Variants in EPG5 observed in about 807,000 individuals in gnomAD.
The protein encoded by EPG5 is ectopic P-granules 5 autophagy tethering factor.
EPG5 carries 159 observed loss-of-function variants against 302.7 expected under a neutral mutation model. The observed-to-expected ratio is 0.53, with a 90% CI of 0.46 to 0.60. EPG5 has a LOEUF of 0.60. Ranked by LOEUF, EPG5 falls within the 20% of genes least tolerant of loss-of-function variation. EPG5 has a pLI of 0.00. For missense variants in EPG5, 2,896 were observed against 3,092.4 expected, an observed-to-expected ratio of 0.94 and a Z score of 1.51; for synonymous variants, 1,158 against 1,136.8, an observed-to-expected ratio of 1.02 and a Z score of -0.37.
At chr18:45,838,122 G>C in the EPG5 span, among the ~76,000 whole-genome samples, 16 of 152,222 alleles carry the variant, frequency 1.1e-4, no homozygotes, top group Admixed American at 8.5e-4. Context: ...GTGGGCCCGG[G>C]AATAGGCATT....
At chr18:45,822,457 G>T in the EPG5 span, among the ~76,000 whole-genome samples, 4 of 152,160 alleles carry the variant, frequency 2.6e-5, no homozygotes, top group African/African-American at 9.6e-5. Context: ...TAGATAGAAG[G>T]AATAAATTCT....
the EPG5 span, among the ~76,000 whole-genome samples, chr18:45,816,080 T>C: frequency 1.3e-5 from 2 of 152,168 alleles, no homozygotes; most frequent in African/African-American, 4.8e-5. Flanking sequence ...GATAACTGGC[T>C]AGCCATGTGC....
rs1000037657 is a variant in EPG5, at chr18:45,912,342, T to C, written c.3931A>G (p.Ile1311Val). The change falls in exon 22 of 44, where the codon ATT becomes GTT. Residue 1311 changes from isoleucine to valine, a missense_variant. Transcript: ENST00000282041. Reference protein sequence around the residue: ...TPSDHPLLPLIWQKFFLLYLH... With the variant: ...TPSDHPLLPLVWQKFFLLYLH... ...TACAGAAGGAAGAACTTCTGCCAAA[T>C]GAGTGGCAGGAGGGGGTGATCAGAA... The C allele has an allele frequency of 1.9e-6, 3 of 1,610,258 alleles. No homozygotes were observed. The Admixed American group carries it at 5.1e-5, about 27-fold the overall frequency.
chr18:45,927,117 C>T (rs1361638367), intron 13 of EPG5, among the ~76,000 whole-genome samples: 5 of 151,150 alleles, frequency 3.3e-5, no homozygotes, highest in African/African-American at 1.2e-4. Flanking sequence ...ACTGCAAGCT[C>T]CGCCTCCCAG....
intron 1 of EPG5, among the ~76,000 whole-genome samples, chr18:45,956,230 C>G (rs1391795371): frequency 1.3e-5 from 2 of 152,110 alleles, no homozygotes; most frequent in Non-Finnish European, 2.9e-5. Context: ...AAACATCAGA[C>G]AAAAACCCAA....
chr18:45,865,513 AGG>A, intron 39 of EPG5, 100 bp downstream of exon 39: 1 of 1,251,050 alleles, frequency 8.0e-7, no homozygotes, highest in Non-Finnish European at 1.1e-6. Flanking sequence ...CTCTGGAAAG[AGG>A]AGTGCCAGTG....
chr18:45,804,934 G>A, the EPG5 span, among the ~76,000 whole-genome samples: 2 of 152,018 alleles, frequency 1.3e-5, no homozygotes, highest in African/African-American at 4.8e-5. Context: ...TAACACAAAG[G>A]AATGCTGGGG....
At chr18:45,827,674 A>G in the EPG5 span, among the ~76,000 whole-genome samples, 8 of 152,274 alleles carry the variant, frequency 5.3e-5, no homozygotes, top group East Asian at 1.5e-3. Flanking sequence ...TAGACACTAC[A>G]TCAAAGGCCC....
chr18:45,855,470 A>G, intron 43 of EPG5, 103 bp downstream of exon 43: 1 of 764,196 alleles, frequency 1.3e-6, no homozygotes. Flanking sequence ...TGCTACCACC[A>G]CAGAGCATCA....
the EPG5 span, among the ~76,000 whole-genome samples, chr18:45,817,046 A>G: frequency 1.3e-5 from 2 of 152,234 alleles, no homozygotes; most frequent in East Asian, 1.9e-4. Context: ...GTTCTCACTC[A>G]TAAGTGGGAG....
chr18:45,920,093 T>C (rs2050121684), intron 16 of EPG5, among the ~76,000 whole-genome samples: 1 of 152,296 alleles, frequency 6.6e-6, no homozygotes, highest in Non-Finnish European at 1.5e-5. Context: ...CAGTGAGAAG[T>C]GTTTCCTCAT....
chr18:45,916,174 T>C lies in EPG5; in HGVS notation c.3417A>G (p.Glu1139=), dbSNP rs759456372. The C allele has an allele frequency of 1.9e-6, 3 of 1,613,782 alleles. No homozygotes were observed. The highest frequency in any genetic ancestry group is 1.3e-5 in the African/African-American group (1 of 74,910). ...ACTCCAACACAGCAACGGGGCCCAC[T>C]TCATTGGGCTGAGTGCTTACAGATA... ...AHISVSTQPN[E]VGPVAVLEFW... Residue 1139 remains glutamate, a synonymous_variant, in exon 19 of 44, where the codon GAA becomes GAG. Coordinates refer to ENST00000282041, the MANE Select transcript of EPG5 (RefSeq NM_020964.3).
intron 18 of EPG5, 56 bp downstream of exon 18, chr18:45,916,382 A>G (rs1156570522): frequency 6.3e-7 from 1 of 1,588,238 alleles, no homozygotes; most frequent in African/African-American, 1.3e-5. Context: ...CTAACGCTAG[A>G]GGTCTTGGTT....
intron 35 of EPG5, among the ~76,000 whole-genome samples, chr18:45,873,860 A>G (rs990646642): frequency 6.6e-6 from 1 of 152,258 alleles, no homozygotes; most frequent in Non-Finnish European, 1.5e-5. Context: ...AAATGAAATG[A>G]GCTATCCAGC....
In EPG5 at chr18:45,860,328, C is replaced by G; in HGVS notation, c.6785G>C (p.Arg2262Pro). ...AAAGAGGCTGCTGAGGGCCATGTGG[C>G]GGGTCTGGCTGTCCATGTCTGAAAG... is the stretch of plus-strand genomic sequence containing the variant. Reference protein sequence around the residue: ...FNPPDMDSQTRHMALSSLFME... With the variant: ...FNPPDMDSQTPHMALSSLFME... Residue 2262 changes from arginine (R) to proline (P), a missense_variant, in exon 40 of 44, where the codon CGC becomes CCC. Arg to Pro is a moderately radical substitution (Grantham distance 103). Around this residue, in one of 5 missense-constraint regions of EPG5, gnomAD observed 620 missense variants for 704.2 expected, o/e 0.88. Coordinates refer to ENST00000282041, the MANE Select transcript of EPG5 (RefSeq NM_020964.3). The G allele has an allele frequency of 6.2e-7, 1 of 1,614,220 alleles. No individual in the cohort carries two copies.
the EPG5 span, among the ~76,000 whole-genome samples, chr18:45,818,183 A>T: frequency 6.6e-6 from 1 of 152,318 alleles, no homozygotes; most frequent in East Asian, 1.9e-4. Flanking sequence ...ATACTTGACC[A>T]GTCCCTGCTA....
chr18:45,895,145 G>C (rs2049442218), intron 27 of EPG5, among the ~76,000 whole-genome samples: 2 of 152,198 alleles, frequency 1.3e-5, no homozygotes, highest in South Asian at 2.1e-4. Context: ...CAGGAATGAA[G>C]TAGGGTAGGG....
At chr18:45,925,924 A>G (rs1599586045) in intron 13 of EPG5, 22 bp from the exon 14 acceptor site, 1 of 1,298,346 alleles carries the variant, frequency 7.7e-7, no homozygotes, top group East Asian at 2.8e-5. Context: ...GAAAACAATA[A>G]TCATTAAATA....
chr18:45,880,596 C>T (rs1334662277), intron 31 of EPG5, among the ~76,000 whole-genome samples: 9 of 152,112 alleles, frequency 5.9e-5, no homozygotes, highest in South Asian at 2.1e-4. Context: ...CACAGGACAA[C>T]GGAAACCACA....
Sources: gnomAD v4.1 joint callset for allele counts (sites outside exome capture counted in the v4.1 genomes callset) on GRCh38, gnomAD v4.1.1 for gene constraint, gnomAD v4.1.1 regional missense constraint, MANE v1.5 for transcripts, NCBI Gene and HGNC (gene_info 2026-07-23, HGNC 2026-07-21) for gene names.